Variants in LYAR observed in about 807,000 individuals in gnomAD.
LYAR encodes the protein Ly1 antibody reactive.
LYAR carries 37 observed loss-of-function variants against 45.2 expected under a neutral mutation model. That is an observed-to-expected ratio of 0.82 (90% CI 0.63 to 1.08). The LOEUF (loss-of-function observed/expected upper bound fraction) is 1.08. LYAR is among the 50% of genes least tolerant of loss of function. The probability of loss-of-function intolerance (pLI) is 0.00; values close to 1 mark genes in which losing one functional copy is unlikely to be tolerated. For synonymous variants in LYAR, 176 were observed against 155.1 expected (o/e 1.14, Z -1.00); for missense variants, 493 against 451.0 (o/e 1.09, Z -0.84).
intron 7 of LYAR, among the ~76,000 whole-genome samples, chr4:4,274,002 C>CGAGGGGGGCGGATCACCA (rs1719063226): frequency 2.0e-5 from 3 of 152,078 alleles, no homozygotes; most frequent in Admixed American, 1.3e-4. Context: ...TTTGGGAGGC[C>CGAGGGGGGCGGATCACCA]GAGGGGGGCG....
At position 4,279,531 on chromosome 4, in the gene LYAR, C is replaced by T; in HGVS notation, c.346-1G>A. 1 of 1,606,604 alleles carries T rather than the reference C, an allele frequency of 6.2e-7. No individual in the cohort carries two copies. The highest frequency in any genetic ancestry group is 8.5e-7 in the Non-Finnish European group (1 of 1,173,436). On this transcript the variant is annotated splice_acceptor_variant, in intron 5 of 9. Transcript: ENST00000343470. LOFTEE classifies it high-confidence loss of function. ...CTTTTAAACTGTTCTTCATCCAATT[C>T]TGTAAGAAAGAAAAAGAAAAAGAAC...
intron 2 of LYAR, among the ~76,000 whole-genome samples, chr4:4,285,862 T>C (rs1719589450): frequency 6.6e-6 from 1 of 152,138 alleles, no homozygotes; most frequent in Non-Finnish European, 1.5e-5. Flanking sequence ...AAACAAAATA[T>C]ATTGACTGAA....
chr4:4,285,225 T>C (rs373802386), intron 2 of LYAR, among the ~76,000 whole-genome samples: 81 of 152,286 alleles, frequency 5.3e-4, no homozygotes, highest in African/African-American at 1.9e-3. Flanking sequence ...CAGTGTATGT[T>C]AGTAAACGGA....
chr4:4,273,160 T>G (rs943686980), intron 8 of LYAR, among the ~76,000 whole-genome samples: 1 of 152,204 alleles, frequency 6.6e-6, no homozygotes, highest in Non-Finnish European at 1.5e-5. Flanking sequence ...AAAGCTATAT[T>G]GGGCTTATTT....
chr4:4,268,528 A>G lies in LYAR; in HGVS notation c.1005+2T>C. 7 of 1,605,160 alleles carry G rather than the reference A, an allele frequency of 4.4e-6. No individual in the cohort carries two copies. Among genetic ancestry groups the G allele is most frequent in the Non-Finnish European group, 6.0e-6 (7 of 1,173,242 alleles). On this transcript the variant is annotated splice_donor_variant, in intron 9 of 9. Transcript: ENST00000343470. LOFTEE classifies it high-confidence loss of function. ...ACACGTGGGTTTGTTCATATGCCAT[A>G]CCTTTTTCCTTAGCTTTTTGATGGT...
rs777607451 is a variant in LYAR at position 4,274,772 on chromosome 4, T to C, written c.430-3A>G. 4.4e-6 allele frequency: 7 copies of C among 1,580,974 alleles called. No homozygotes were observed. The East Asian group carries it at 1.6e-4, about 35-fold the overall frequency. On this transcript the variant is annotated splice_polypyrimidine_tract_variant and splice_region_variant and intron_variant, in intron 6 of 9. Transcript: ENST00000343470. ...TCCTGTTCCTTATTGACTGGTTCCTTATCATTAAGCAAAAGCAAGAAACAC... is the reference window on the plus strand; with the variant it reads ...TCCTGTTCCTTATTGACTGGTTCCTCATCATTAAGCAAAAGCAAGAAACAC...
At chr4:4,270,422 ACT>A (rs1040101467) in intron 8 of LYAR, among the ~76,000 whole-genome samples, 27 of 151,564 alleles carry the variant, frequency 1.8e-4, no homozygotes, top group African/African-American at 6.3e-4. Flanking sequence ...CCCTAAAAAG[ACT>A]CTGTTATGAT....
chr4:4,274,257 A>C, intron 7 of LYAR, 110 bp downstream of exon 7: 2 of 1,232,464 alleles, frequency 1.6e-6, no homozygotes, highest in Non-Finnish European at 1.1e-6. Context: ...AAAAAAAAAA[A>C]AACCACACAC....
chr4:4,273,799 C>A, intron 7 of LYAR, 130 bp from the exon 8 acceptor site: 1 of 600,740 alleles, frequency 1.7e-6, no homozygotes, highest in South Asian at 2.0e-5. Flanking sequence ...CTGCCCAGCC[C>A]CGGTTTATAA....
intron 6 of LYAR, among the ~76,000 whole-genome samples, chr4:4,276,926 G>A (rs1287401537): frequency 6.6e-6 from 1 of 152,216 alleles, no homozygotes; most frequent in Non-Finnish European, 1.5e-5. Context: ...GCAGCATCAG[G>A]TTGTCAAGGC....
intron 1 of LYAR, among the ~76,000 whole-genome samples, chr4:4,288,131 G>A (rs954472076): frequency 6.6e-6 from 1 of 152,206 alleles, no homozygotes; most frequent in African/African-American, 2.4e-5. Flanking sequence ...CTGTTTATCT[G>A]TAAAATGGAT....
At chr4:4,277,722 C>A (rs1290069775) in intron 6 of LYAR, among the ~76,000 whole-genome samples, 2 of 152,216 alleles carry the variant, frequency 1.3e-5, no homozygotes, top group East Asian at 3.8e-4. Context: ...CACTAGAACA[C>A]AGCTCCAACC....
chr4:4,285,174 CCT>C (rs569938070), intron 2 of LYAR, among the ~76,000 whole-genome samples: 113 of 152,290 alleles, frequency 7.4e-4, no homozygotes, highest in African/African-American at 2.1e-3. Context: ...ACCACAGACC[CCT>C]GATTCCGCGG....
chr4:4,276,853 T>C (rs1719203714), intron 6 of LYAR, among the ~76,000 whole-genome samples: 1 of 151,968 alleles, frequency 6.6e-6, no homozygotes, highest in Admixed American at 6.6e-5. Flanking sequence ...TGAGACTCCG[T>C]CTCAAAAGAA....
At chr4:4,270,910 T>C (rs1718905701) in intron 8 of LYAR, among the ~76,000 whole-genome samples, 1 of 152,188 alleles carries the variant, frequency 6.6e-6, no homozygotes, top group Admixed American at 6.5e-5. Context: ...ACAGCAGGTG[T>C]ATATGGGGCA....
At chr4:4,284,029 T>G (rs2980213) in intron 2 of LYAR, among the ~76,000 whole-genome samples, 56,447 of 152,072 alleles carry the variant, frequency 0.37, 11,058 homozygotes, top group East Asian at 0.55. Context: ...GGCTTTACAT[T>G]TATTCACTTA....
chr4:4,274,773 A>G lies in LYAR; in HGVS notation c.430-4T>C. 6.3e-7 allele frequency: 1 copy of G among 1,578,470 alleles called. No homozygotes were observed. Among genetic ancestry groups the G allele is most frequent in the Non-Finnish European group, 8.6e-7 (1 of 1,169,458 alleles). On this transcript the variant is annotated splice_polypyrimidine_tract_variant and splice_region_variant and intron_variant, in intron 6 of 9. Coordinates refer to ENST00000343470, the MANE Select transcript of LYAR (RefSeq NM_017816.3). Reference sequence around the variant, plus strand: ...CCTGTTCCTTATTGACTGGTTCCTTATCATTAAGCAAAAGCAAGAAACACA... The same window carrying G: ...CCTGTTCCTTATTGACTGGTTCCTTGTCATTAAGCAAAAGCAAGAAACACA...
intron 2 of LYAR, among the ~76,000 whole-genome samples, chr4:4,285,789 G>T (rs1719586575): frequency 6.6e-6 from 1 of 152,170 alleles, no homozygotes; most frequent in Admixed American, 6.5e-5. Flanking sequence ...TTTCGACAAG[G>T]CTTAAGAGTG....
chr4:4,268,204 T>A (rs1202219145), intron 9 of LYAR, among the ~76,000 whole-genome samples, 181 bp from the exon 10 acceptor site: 1 of 152,186 alleles, frequency 6.6e-6, no homozygotes, highest in East Asian at 1.9e-4. Context: ...TGGCCATGTG[T>A]GAGTCATCCT....
Sources: allele counts gnomAD v4.1 joint callset (sites outside exome capture counted in the v4.1 genomes callset), GRCh38; gene constraint gnomAD v4.1.1; transcripts MANE v1.5; gene names NCBI Gene and HGNC (gene_info 2026-07-23, HGNC 2026-07-21).